Variants in NFIX observed in about 807,000 individuals in gnomAD.
The protein encoded by NFIX is nuclear factor 1 X-type.
Under a neutral mutation model 53.3 loss-of-function variants are expected in NFIX, and 2 were observed. The ratio of observed to expected loss-of-function variants is 0.04; its 90% CI spans 0.02 to 0.12. NFIX has a LOEUF of 0.12. NFIX is among the 10% of genes least tolerant of loss of function. NFIX has a pLI of 1.00. For synonymous variants in NFIX, 244 were observed against 289.0 expected, an observed-to-expected ratio of 0.84 and a Z score of 1.58; for missense variants, 310 against 674.5, an observed-to-expected ratio of 0.46 and a Z score of 5.99.
rs1055166704 is a variant in NFIX, at chr19:13,078,426, A to G, written c.956-187A>G. 1.3e-5 allele frequency among the ~76,000 whole-genome samples: 2 copies of G among 152,142 alleles called. No individual in the cohort carries two copies. The highest frequency in any genetic ancestry group is 2.4e-5 in the African/African-American group (1 of 41,418). Reference sequence around the variant, plus strand: ...AGCACCCCTTGGCTGGCCTACACACAGGGCCTCGGAACCAGGCCTAGAACA... The same window carrying G: ...AGCACCCCTTGGCTGGCCTACACACGGGGCCTCGGAACCAGGCCTAGAACA... On this transcript the variant is annotated intron_variant, in intron 6 of 10. Coordinates refer to ENST00000592199, the MANE Select transcript of NFIX (RefSeq NM_001365902.3). The surrounding 1 kb of genome is among the most constrained non-coding windows in gnomAD (Gnocchi z 4.7).
rs1265179499 is a variant in NFIX, at chr19:13,068,417, C to CA, written c.560-4629dup. On this transcript the variant is annotated intron_variant, in intron 2 of 10. Transcript: ENST00000592199. This position sits in a 1 kb window ranked among gnomAD's most constrained non-coding sequence, Gnocchi z 4.2. ...AAAGAAGTAAGGTGGGGACTTGTTC[C>CA]AGGGGCTGAGAAGGGGAGCTGGTGT... Among the ~76,000 whole-genome samples, 1 of 152,166 alleles carries CA rather than the reference C, an allele frequency of 6.6e-6. No homozygotes were observed. The highest frequency in any genetic ancestry group is 1.5e-5 in the Non-Finnish European group (1 of 68,034).
rs2014546925 is a variant in NFIX at position 13,040,567 on chromosome 19, T to G, written c.559+15015T>G. On this transcript the variant is annotated intron_variant, in intron 2 of 10. Transcript: ENST00000592199. This position sits in a 1 kb window ranked among gnomAD's most constrained non-coding sequence, Gnocchi z 4.2. ...TCCTCAGGAGCCCTGGCCTCCAGGC[T>G]CCTTGTATGGACAGACTCATGGCTG... Among the ~76,000 whole-genome samples, 1 of 152,154 alleles carries G rather than the reference T, an allele frequency of 6.6e-6. No individual in the cohort carries two copies. The highest frequency in any genetic ancestry group is 2.4e-5 in the African/African-American group (1 of 41,436).
chr19:13,080,363 G>A (rs973717812), intron 7 of NFIX, among the ~76,000 whole-genome samples: 7 of 152,142 alleles, frequency 4.6e-5, no homozygotes, highest in African/African-American at 1.7e-4. Context: ...AGACTCAAGT[G>A]ATCCCTCCTG....
At chr19:13,065,747 G>A (rs745895841) in intron 2 of NFIX, among the ~76,000 whole-genome samples, 6 of 152,222 alleles carry the variant, frequency 3.9e-5, no homozygotes, top group South Asian at 2.1e-4. Context: ...TTCTTCTGCC[G>A]CTCCATGCCT....
At chr19:13,055,479 G>A (rs1174615677) in intron 2 of NFIX, among the ~76,000 whole-genome samples, 2 of 152,190 alleles carry the variant, frequency 1.3e-5, no homozygotes, top group Non-Finnish European at 2.9e-5. Flanking sequence ...GCGAGGGCCG[G>A]CCGCACTCCC....
chr19:13,011,527 G>GT lies in NFIX; in HGVS notation c.28-13493dup, dbSNP rs1439084939. ...GTGAGGGTGGGTGGGTTTTGGAGGG[G>GT]TGGGAGCAGAGGCAGGGGGGTGTGC... On this transcript the variant is annotated intron_variant, in intron 1 of 10. Transcript: ENST00000592199. This position sits in a 1 kb window ranked among gnomAD's most constrained non-coding sequence, Gnocchi z 6.5. Among the ~76,000 whole-genome samples, 1 of 152,040 alleles carries GT rather than the reference G, an allele frequency of 6.6e-6. No individual in the cohort carries two copies. Among genetic ancestry groups the GT allele is most frequent in the African/African-American group, 2.4e-5 (1 of 41,420 alleles).
chr19:13,024,556 C>T (rs952800186), intron 1 of NFIX: 70 of 1,530,832 alleles, frequency 4.6e-5, no homozygotes, highest in South Asian at 6.0e-5. Flanking sequence ...CACGCCCCCG[C>T]GTGTGCGTCC....
At chr19:13,074,579 C>G (rs2016960277) in intron 5 of NFIX, among the ~76,000 whole-genome samples, 1 of 151,592 alleles carries the variant, frequency 6.6e-6, no homozygotes, top group Admixed American at 6.6e-5. Context: ...AGTTAGGAGG[C>G]CATTGGAAAG....
At chr19:13,047,722 C>T (rs553086089) in intron 2 of NFIX, among the ~76,000 whole-genome samples, 4 of 152,292 alleles carry the variant, frequency 2.6e-5, no homozygotes, top group African/African-American at 7.2e-5. Flanking sequence ...GACATCCCCA[C>T]GTACTTTGGG....
chr19:13,059,014 C>T (rs2015889088), intron 2 of NFIX, among the ~76,000 whole-genome samples: 1 of 152,130 alleles, frequency 6.6e-6, no homozygotes, highest in African/African-American at 2.4e-5. Flanking sequence ...TCATTTGCCT[C>T]CTCTCATCTT....
At chr19:13,034,141 G>A (rs777985827) in intron 2 of NFIX, among the ~76,000 whole-genome samples, 1 of 152,178 alleles carries the variant, frequency 6.6e-6, no homozygotes, top group African/African-American at 2.4e-5. Flanking sequence ...ACTGGCTTTG[G>A]CAGAGTCTCA....
At chr19:13,091,705 C>T (rs552722390) in intron 10 of NFIX, among the ~76,000 whole-genome samples, 6 of 152,228 alleles carry the variant, frequency 3.9e-5, no homozygotes, top group East Asian at 1.9e-4. Context: ...GGAGGGGGTG[C>T]GAGAGGAAGG....
At position 13,025,540 on chromosome 19, in the gene NFIX, G is replaced by A. The variant is rs1208206249; in HGVS notation, c.547G>A (p.Val183Ile). The A allele has an allele frequency of 1.9e-6, 3 of 1,611,022 alleles. No homozygotes were observed. Among genetic ancestry groups the A allele is most frequent in the Non-Finnish European group, 1.7e-6 (2 of 1,178,122 alleles). The change falls in exon 2 of 11, where the codon GTC (valine) becomes ATC (isoleucine). Residue 183 changes from valine to isoleucine, a missense_variant. By Grantham distance (29) the Val-to-Ile change is conservative. Around this residue, in one of 5 missense-constraint regions of NFIX, gnomAD observed 164 missense variants for 284.4 expected, o/e 0.58. Coordinates refer to ENST00000592199, the MANE Select transcript of NFIX (RefSeq NM_001365902.3). The surrounding 1 kb of genome is among the most constrained non-coding windows in gnomAD (Gnocchi z 7.5). ...KELDLYLAYF[V>I]HTPESGQSDS... Reference sequence around the variant, plus strand: ...ACTGGATCTTTATCTGGCTTACTTTGTCCACACTCCGGGTAGGTCGTTCTC... The same window carrying A: ...ACTGGATCTTTATCTGGCTTACTTTATCCACACTCCGGGTAGGTCGTTCTC...
At chr19:13,020,713 A>G (rs1222427974) in intron 1 of NFIX, among the ~76,000 whole-genome samples, 1 of 152,034 alleles carries the variant, frequency 6.6e-6, no homozygotes, top group Admixed American at 6.6e-5. Context: ...CTGAGGCTCT[A>G]TTGAGACACT....
At chr19:13,033,289 A>AC (rs1178790845) in intron 2 of NFIX, among the ~76,000 whole-genome samples, 1 of 151,840 alleles carries the variant, frequency 6.6e-6, no homozygotes, top group African/African-American at 2.4e-5. Flanking sequence ...ACTGGACCTT[A>AC]CCCCCCAGGT....
chr19:12,996,570 G>A lies in NFIX; in HGVS notation c.27+706G>A, dbSNP rs928546870. On this transcript the variant is annotated intron_variant, in intron 1 of 10. Transcript: ENST00000592199. This position sits in a 1 kb window ranked among gnomAD's most constrained non-coding sequence, Gnocchi z 5.2. ...CTGCCAGCGGTGGCCGCGCCTCTCC[G>A]ACCCCGGACGTCGCAGCCTCTGCCC... Among the ~76,000 whole-genome samples the A allele has an allele frequency of 5.3e-5, 8 of 152,200 alleles. No individual in the cohort carries two copies. The highest frequency in any genetic ancestry group is 1.2e-4 in the Non-Finnish European group (8 of 68,032).
rs1273358359 is a variant in NFIX, at chr19:13,001,370, G to A, written c.27+5506G>A. The stretch of plus-strand genomic sequence containing the variant: ...CATGTGACTCCACGGATCATCGCAC[G>A]CCCTGTCTCTTGTGTATTTGGTAGT... On this transcript the variant is annotated intron_variant, in intron 1 of 10. Coordinates refer to ENST00000592199, the MANE Select transcript of NFIX (RefSeq NM_001365902.3). This position sits in a 1 kb window ranked among gnomAD's most constrained non-coding sequence, Gnocchi z 6.5. 1.3e-5 allele frequency among the ~76,000 whole-genome samples: 2 copies of A among 152,016 alleles called. No individual in the cohort carries two copies. The highest frequency in any genetic ancestry group is 2.9e-5 in the Non-Finnish European group (2 of 68,006).
At chr19:13,055,226 C>G (rs181982156) in intron 2 of NFIX, among the ~76,000 whole-genome samples, 10 of 151,486 alleles carry the variant, frequency 6.6e-5, no homozygotes, top group East Asian at 2.0e-4. Flanking sequence ...ACCCTCCCCC[C>G]CTCCCCACTC....
intron 1 of NFIX, among the ~76,000 whole-genome samples, chr19:13,016,277 T>G (rs1463940098): frequency 6.6e-6 from 1 of 152,108 alleles, no homozygotes; most frequent in African/African-American, 2.4e-5. Flanking sequence ...CTAGGAATGG[T>G]GGGAGGGCTT....
Sources: allele counts gnomAD v4.1 joint callset (sites outside exome capture counted in the v4.1 genomes callset), GRCh38; gene constraint gnomAD v4.1.1; regional missense constraint gnomAD v4.1.1; non-coding constraint Gnocchi (gnomAD v3.1); transcripts MANE v1.5; gene names NCBI Gene and HGNC (gene_info 2026-07-23, HGNC 2026-07-21).